KIF26B: variants seen among roughly 807,000 people sequenced by gnomAD.
The protein encoded by KIF26B is kinesin-like protein KIF26B.
A neutral mutation model predicts 151.2 loss-of-function variants in KIF26B; 63 were observed. That is an observed-to-expected ratio of 0.42 (90% confidence interval 0.34 to 0.51). The LOEUF (loss-of-function observed/expected upper bound fraction) is 0.51, where lower values mean the gene tolerates loss of function less well. KIF26B is among the 20% of genes least tolerant of loss of function. The pLI, the probability that KIF26B is intolerant of heterozygous loss-of-function variation, is 0.07. For synonymous variants in KIF26B, 1,357 were observed against 1,262.1 expected, an observed-to-expected ratio of 1.08 and a Z score of -1.59; for missense variants, 2,813 against 2,913.6, an observed-to-expected ratio of 0.97 and a Z score of 0.79.
At chr1:245,473,632 A>G (rs185462660) in intron 4 of KIF26B, among the ~76,000 whole-genome samples, 2 of 152,118 alleles carry the variant, frequency 1.3e-5, no homozygotes, top group Admixed American at 6.5e-5. Context: ...AGTGCCCGCA[A>G]CTGTTATTAT....
intron 4 of KIF26B, among the ~76,000 whole-genome samples, chr1:245,501,798 G>A (rs996260200): frequency 7.2e-5 from 11 of 152,192 alleles, no homozygotes; most frequent in African/African-American, 2.7e-4. Context: ...AGGACCGTTG[G>A]GCCTTTTGCT....
At chr1:245,683,304 A>C (rs1356861343) in intron 10 of KIF26B, among the ~76,000 whole-genome samples, 2 of 146,800 alleles carry the variant, frequency 1.4e-5, no homozygotes, top group Admixed American at 1.4e-4. Context: ...CGGCATGGGA[A>C]ATAGGCTTCC....
At chr1:245,553,965 G>A (rs1286380386) in intron 5 of KIF26B, among the ~76,000 whole-genome samples, 1 of 152,156 alleles carries the variant, frequency 6.6e-6, no homozygotes, top group Non-Finnish European at 1.5e-5. Context: ...GGAACCCATC[G>A]TGGCTTTCTT....
In KIF26B at chr1:245,244,176, C is replaced by T. The variant is rs571940497; in HGVS notation, c.465+87493C>T. ...CTTGCTATGTTACCCAGGCTGATCT[C>T]GAACTCCTGGCCTCAAGCAATCTTT... On this transcript the variant is annotated intron_variant, in intron 2 of 14. Coordinates refer to ENST00000407071, the MANE Select transcript of KIF26B (RefSeq NM_018012.4). The surrounding 1 kb of genome is among the most constrained non-coding windows in gnomAD (Gnocchi z 4.2). Among the ~76,000 whole-genome samples the T allele has an allele frequency of 1.5e-4, 23 of 152,068 alleles. 1 individual carries two copies. The highest frequency in any genetic ancestry group is 6.6e-5 in the Admixed American group (1 of 15,258).
At position 245,190,641 on chromosome 1, in the gene KIF26B, T is replaced by G. The variant is rs934297452; in HGVS notation, c.465+33958T>G. On this transcript the variant is annotated intron_variant, in intron 2 of 14. Transcript: ENST00000407071. ...GTTTTCCCTGAATGTTTTGTTTTGT[T>G]TTTTTTTTTTTTTACATTTCTTACA... Among the ~76,000 whole-genome samples the G allele has an allele frequency of 4.0e-5, 6 of 148,730 alleles. No homozygotes were observed. The East Asian group carries it at 9.8e-4, about 24-fold the overall frequency.
chr1:245,640,924 A>T (rs1397365172), intron 9 of KIF26B, among the ~76,000 whole-genome samples: 1 of 152,120 alleles, frequency 6.6e-6, no homozygotes, highest in African/African-American at 2.4e-5. Flanking sequence ...AATCTTCTTA[A>T]TAAAATTTTA....
chr1:245,230,742 TA>T (rs376607095), intron 2 of KIF26B, among the ~76,000 whole-genome samples: 394 of 129,664 alleles, frequency 3.0e-3, no homozygotes, highest in Middle Eastern at 4.1e-3. Context: ...AAACTTCATG[TA>T]AAAAAAAAAA....
chr1:245,670,650 G>C (rs997549351), intron 10 of KIF26B, among the ~76,000 whole-genome samples: 3 of 152,054 alleles, frequency 2.0e-5, no homozygotes, highest in Non-Finnish European at 2.9e-5. Flanking sequence ...CAAATGAGGA[G>C]AGAAAATGTG....
chr1:245,686,993 CCGA>C lies in KIF26B; in HGVS notation c.4012_4014del (p.Asp1338del). ...TGCAGAGAGAAGCCCAAGGCCAGCC[CCGA>C]CAACTTGCTCATCCTGTCTGAGATG... On this transcript the variant is annotated inframe_deletion, in exon 12 of 15. Coordinates refer to ENST00000407071, the MANE Select transcript of KIF26B (RefSeq NM_018012.4). The surrounding 1 kb of genome is among the most constrained non-coding windows in gnomAD (Gnocchi z 5.6). 1 of 1,613,576 alleles carries C rather than the reference CCGA, an allele frequency of 6.2e-7. No homozygotes were observed. The highest frequency in any genetic ancestry group is 1.1e-5 in the South Asian group (1 of 91,010).
chr1:245,586,193 GTGTGTT>G (rs2043222487), intron 5 of KIF26B, among the ~76,000 whole-genome samples: 1 of 133,374 alleles, frequency 7.5e-6, no homozygotes, highest in African/African-American at 3.0e-5. Flanking sequence ...GTGTGTGTGT[GTGTGTT>G]TGTTTTAATA....
intron 4 of KIF26B, among the ~76,000 whole-genome samples, chr1:245,477,101 T>C (rs752418375): frequency 1.3e-5 from 2 of 151,864 alleles, no homozygotes; most frequent in African/African-American, 2.4e-5. Context: ...TACTAGTTTG[T>C]AAAAATTAAA....
chr1:245,274,723 A>G (rs1344735691), intron 2 of KIF26B, among the ~76,000 whole-genome samples: 1 of 152,216 alleles, frequency 6.6e-6, no homozygotes, highest in Non-Finnish European at 1.5e-5. Context: ...AGAATGATTT[A>G]TAATCCTTTG....
At chr1:245,161,788 C>T (rs536494291) in intron 2 of KIF26B, among the ~76,000 whole-genome samples, 1 of 152,192 alleles carries the variant, frequency 6.6e-6, no homozygotes, top group South Asian at 2.1e-4. Flanking sequence ...CACACTTTCC[C>T]CTAGAAGCTG....
chr1:245,310,794 T>A (rs1302422031), intron 2 of KIF26B, among the ~76,000 whole-genome samples: 1 of 152,090 alleles, frequency 6.6e-6, no homozygotes, highest in African/African-American at 2.4e-5. Context: ...GAAGCGGCTG[T>A]GATGTGTGGG....
intron 3 of KIF26B, among the ~76,000 whole-genome samples, chr1:245,412,669 CTCTT>C (rs532078770): frequency 1.3e-4 from 20 of 152,304 alleles, no homozygotes; most frequent in Admixed American, 7.8e-4. Flanking sequence ...TTGGGATTCT[CTCTT>C]TCTTTGGGAT....
At chr1:245,524,106 G>T (rs900388076) in intron 4 of KIF26B, among the ~76,000 whole-genome samples, 33 of 152,330 alleles carry the variant, frequency 2.2e-4, no homozygotes, top group Admixed American at 1.9e-3. Flanking sequence ...CCGGTTCCTA[G>T]ACCAGCTTGG....
At chr1:245,245,508 C>T (rs530209832) in intron 2 of KIF26B, among the ~76,000 whole-genome samples, 10 of 152,188 alleles carry the variant, frequency 6.6e-5, no homozygotes, top group South Asian at 4.1e-4. Flanking sequence ...GTTTGCAGAG[C>T]GGCCGGGCGC....
chr1:245,385,859 G>C (rs968401407), intron 3 of KIF26B, among the ~76,000 whole-genome samples: 1 of 152,144 alleles, frequency 6.6e-6, no homozygotes, highest in African/African-American at 2.4e-5. Flanking sequence ...GTGAAGGCAG[G>C]GTCACAGATA....
chr1:245,493,398 A>G (rs980430651), intron 4 of KIF26B, among the ~76,000 whole-genome samples: 7 of 152,256 alleles, frequency 4.6e-5, no homozygotes, highest in Non-Finnish European at 8.8e-5. Flanking sequence ...TGCCTGCTCA[A>G]TATTTCTAGC....
Sources: allele counts gnomAD v4.1 joint callset (sites outside exome capture counted in the v4.1 genomes callset), GRCh38; gene constraint gnomAD v4.1.1; non-coding constraint Gnocchi (gnomAD v3.1); transcripts MANE v1.5; gene names NCBI Gene and HGNC (gene_info 2026-07-23, HGNC 2026-07-21).